VDAC1: variants seen among roughly 807,000 people sequenced by gnomAD.
The protein encoded by VDAC1 is voltage dependent anion channel 1, also known as non-selective voltage-gated ion channel VDAC1.
A neutral mutation model predicts 34.7 loss-of-function variants in VDAC1; 10 were observed. That is an observed-to-expected ratio of 0.29 (90% CI 0.18 to 0.49). VDAC1 has a LOEUF of 0.49. Among genes scored for constraint, VDAC1 ranks in the 20% least tolerant of loss-of-function variants. The probability of loss-of-function intolerance (pLI) is 0.99; values close to 1 mark genes in which losing one functional copy is unlikely to be tolerated. For synonymous variants in VDAC1, 130 were observed against 136.0 expected, an observed-to-expected ratio of 0.96 and a Z score of 0.30; for missense variants, 230 against 347.9, an observed-to-expected ratio of 0.66 and a Z score of 2.69.
At chr5:134,024,103 A>G in the VDAC1 span, among the ~76,000 whole-genome samples, 15 of 151,898 alleles carry the variant, frequency 9.9e-5, no homozygotes, top group Admixed American at 2.0e-4. Context: ...AGATCATGCC[A>G]CTGCACTCCA....
At chr5:134,006,266 C>G (rs1753747530), upstream of VDAC1, among the ~76,000 whole-genome samples, 2 of 152,168 alleles carry the variant, frequency 1.3e-5, no homozygotes, top group Admixed American at 1.3e-4. Context: ...TGGTCCCCAC[C>G]CCGCACACTG....
chr5:134,017,383 G>A, the VDAC1 span, among the ~76,000 whole-genome samples: 1 of 152,044 alleles, frequency 6.6e-6, no homozygotes, highest in Non-Finnish European at 1.5e-5. Context: ...GGAGAACCTG[G>A]AGGTGGAGGT....
chr5:133,981,011 G>A, intron 5 of VDAC1, 55 bp from the exon 6 acceptor site: 2 of 1,408,312 alleles, frequency 1.4e-6, no homozygotes, highest in Non-Finnish European at 2.0e-6. Flanking sequence ...TGAAATGCAA[G>A]TTGTCTTTTT....
At chr5:133,980,689 A>AGGGC in intron 6 of VDAC1, 40 bp downstream of exon 6, 2 of 564,058 alleles carry the variant, frequency 3.5e-6, no homozygotes, top group Non-Finnish European at 3.4e-6. Context: ...ACATGCTCCA[A>AGGGC]CCCCACCCCT....
At chr5:133,972,991 A>C in intron 8 of VDAC1, 129 bp from the exon 9 acceptor site, 1 of 706,600 alleles carries the variant, frequency 1.4e-6, no homozygotes, top group Non-Finnish European at 2.5e-6. Flanking sequence ...TGGCCCTTCA[A>C]TCCTTGTTAC....
intron 5 of VDAC1, among the ~76,000 whole-genome samples, chr5:133,982,000 G>C (rs1561585195): frequency 6.6e-6 from 1 of 152,158 alleles, no homozygotes; most frequent in African/African-American, 2.4e-5. Flanking sequence ...GTGCTCCTTG[G>C]AGAAATGGCC....
At chr5:134,011,976 T>G in the VDAC1 span, among the ~76,000 whole-genome samples, 2 of 148,998 alleles carry the variant, frequency 1.3e-5, no homozygotes, top group East Asian at 3.9e-4. Context: ...AGGGTCAGAG[T>G]GAGAGAAGGT....
chr5:134,047,378 C>T, the VDAC1 span, among the ~76,000 whole-genome samples: 1 of 152,072 alleles, frequency 6.6e-6, no homozygotes, highest in Non-Finnish European at 1.5e-5. Context: ...GCTGCCCAGG[C>T]ATCTCCACAC....
chr5:134,013,806 G>C, the VDAC1 span, among the ~76,000 whole-genome samples: 2 of 152,076 alleles, frequency 1.3e-5, 1 homozygote, highest in South Asian at 4.2e-4. Flanking sequence ...GCCAGGCATG[G>C]TTGCGGGCAC....
the VDAC1 span, among the ~76,000 whole-genome samples, chr5:134,081,213 A>T: frequency 1.3e-5 from 2 of 152,008 alleles, no homozygotes; most frequent in Non-Finnish European, 2.9e-5. Context: ...AATTTTTTGT[A>T]TTTTTAGTAG....
At chr5:134,059,273 C>T in the VDAC1 span, among the ~76,000 whole-genome samples, 1 of 152,188 alleles carries the variant, frequency 6.6e-6, no homozygotes, top group Non-Finnish European at 1.5e-5. Flanking sequence ...GCTCCCAGGA[C>T]ACAGAGCCAA....
chr5:134,080,521 G>A, the VDAC1 span, among the ~76,000 whole-genome samples: 1 of 152,054 alleles, frequency 6.6e-6, no homozygotes, highest in Non-Finnish European at 1.5e-5. Context: ...GTTAAGTCAC[G>A]GAGGTACAGT....
At chr5:134,068,411 CTTTT>C in the VDAC1 span, among the ~76,000 whole-genome samples, 2 of 136,926 alleles carry the variant, frequency 1.5e-5, no homozygotes, top group African/African-American at 2.7e-5. Context: ...TTTCTCAGTG[CTTTT>C]TTTTTTTTTG....
At chr5:134,106,329 G>A in the VDAC1 span, among the ~76,000 whole-genome samples, 1 of 152,034 alleles carries the variant, frequency 6.6e-6, no homozygotes. Context: ...ACAAACACAG[G>A]ACCACAAACT....
chr5:134,064,845 G>A, the VDAC1 span, among the ~76,000 whole-genome samples: 6 of 151,800 alleles, frequency 4.0e-5, no homozygotes, highest in Non-Finnish European at 5.9e-5. Context: ...AGCCTCCCAA[G>A]TAGCTGGGAC....
chr5:134,089,732 G>A, the VDAC1 span, among the ~76,000 whole-genome samples: 821 of 152,322 alleles, frequency 5.4e-3, 10 homozygotes, highest in African/African-American at 0.019. Context: ...GCTCATGCCT[G>A]TAATCCCAGC....
intron 2 of VDAC1, 131 bp downstream of exon 2, chr5:133,992,815 C>T: frequency 2.3e-6 from 2 of 869,096 alleles, no homozygotes; most frequent in Non-Finnish European, 3.4e-6. Flanking sequence ...CAAATGAAAG[C>T]TTCTTTTTTC....
the VDAC1 span, among the ~76,000 whole-genome samples, chr5:134,024,601 T>TAAA: frequency 2.2e-4 from 31 of 138,454 alleles, no homozygotes; most frequent in Admixed American, 8.7e-4. Flanking sequence ...GATAGAAACT[T>TAAA]AAAAAAAAAA....
rs1752327962 is a variant in VDAC1 at position 133,972,370 on chromosome 5, A to G, written c.*401T>C. On this transcript the variant is annotated 3_prime_UTR_variant, in exon 9 of 9. Coordinates refer to ENST00000265333, the MANE Select transcript of VDAC1 (RefSeq NM_003374.3). ...AAGTCCCATTCAGGTGAGTTTGTACACACCATCAAGCAGCGAGCCTCTCAT... is the reference window on the plus strand; with the variant it reads ...AAGTCCCATTCAGGTGAGTTTGTACGCACCATCAAGCAGCGAGCCTCTCAT... The G allele has an allele frequency of 2.6e-6, 1 of 385,754 alleles. No individual in the cohort carries two copies. The highest frequency in any genetic ancestry group is 2.1e-5 in the African/African-American group (1 of 48,190). 23.9% of individuals were successfully genotyped at this position (385,754 alleles called of 1,614,324 possible). A position where few individuals can be genotyped will look rare whatever the true frequency, so the allele number is the denominator to read the frequency against.
Sources: gnomAD v4.1 joint callset for allele counts (sites outside exome capture counted in the v4.1 genomes callset) on GRCh38, gnomAD v4.1.1 for gene constraint, MANE v1.5 for transcripts, NCBI Gene and HGNC (gene_info 2026-07-23, HGNC 2026-07-21) for gene names.